Variants in CLSTN2 observed in about 807,000 individuals in gnomAD.
CLSTN2 encodes calsyntenin-2.
Under a neutral mutation model 101.2 loss-of-function variants are expected in CLSTN2, and 48 were observed. The ratio of observed to expected loss-of-function variants is 0.47; its 90% CI spans 0.38 to 0.60. The LOEUF is 0.60. Among genes scored for constraint, CLSTN2 ranks in the 20% least tolerant of loss-of-function variants. The probability of loss-of-function intolerance (pLI) is 0.00; values close to 1 mark genes in which losing one functional copy is unlikely to be tolerated. For missense variants in CLSTN2, 1,160 were observed against 1,238.2 expected, an observed-to-expected ratio of 0.94 and a Z score of 0.95; for synonymous variants, 481 against 463.6, an observed-to-expected ratio of 1.04 and a Z score of -0.48.
intron 2 of CLSTN2, among the ~76,000 whole-genome samples, chr3:140,237,841 C>G (rs1373562322): frequency 1.3e-5 from 2 of 152,030 alleles, no homozygotes; most frequent in Admixed American, 6.5e-5. Context: ...ATTTATTTTA[C>G]AAATGGTGAA....
At position 140,513,193 on chromosome 3, in the gene CLSTN2, A is replaced by G. The variant is rs551893330; in HGVS notation, c.1345-19131A>G. 3.3e-5 allele frequency among the ~76,000 whole-genome samples: 5 copies of G among 152,306 alleles called. No individual in the cohort carries two copies. The South Asian group carries it at 1.0e-3, about 32-fold the overall frequency. ...GCATCCTTGTCTTGTGCCAGTTTTC[A>G]AGGGGAATGCGTCCAGCTTTTACCC... On this transcript the variant is annotated intron_variant, in intron 8 of 16. Transcript: ENST00000458420.
intron 2 of CLSTN2, among the ~76,000 whole-genome samples, chr3:140,327,927 G>A (rs1256247974): frequency 6.6e-6 from 1 of 152,196 alleles, no homozygotes; most frequent in East Asian, 1.9e-4. Context: ...TTAGCCAAAA[G>A]CTGAGCTGTG....
At chr3:140,440,461 T>C (rs2088749375) in intron 5 of CLSTN2, among the ~76,000 whole-genome samples, 1 of 152,246 alleles carries the variant, frequency 6.6e-6, no homozygotes, top group Non-Finnish European at 1.5e-5. Context: ...TCTTTTTAAA[T>C]GGTACCTGTG....
chr3:140,285,868 T>C (rs2086891151), intron 2 of CLSTN2, among the ~76,000 whole-genome samples: 1 of 152,118 alleles, frequency 6.6e-6, no homozygotes, highest in Non-Finnish European at 1.5e-5. Flanking sequence ...ACTGGAACAA[T>C]ACTGGACAAA....
rs78445405 is a variant in CLSTN2 at position 140,562,998 on chromosome 3, C to T, written c.2358+42C>T. 6.8e-4 allele frequency: 1,093 copies of T among 1,612,094 alleles called. 2 individuals are homozygous for T. The East Asian group carries it at 9.1e-3, about 13-fold the overall frequency. ...ATTGTTAGGGAAGCCAAGGCTCACCCATTCCCTCATTCATTCAGAAATGCT... is the reference window on the plus strand; with the variant it reads ...ATTGTTAGGGAAGCCAAGGCTCACCTATTCCCTCATTCATTCAGAAATGCT... On this transcript the variant is annotated intron_variant, in intron 14 of 16. Transcript: ENST00000458420.
At chr3:140,090,508 A>C (rs1231736784) in intron 1 of CLSTN2, among the ~76,000 whole-genome samples, 3 of 152,100 alleles carry the variant, frequency 2.0e-5, no homozygotes, top group Non-Finnish European at 4.4e-5. Context: ...AGGTACTATC[A>C]ATAATGGATG....
chr3:140,256,021 G>A (rs1163772438), intron 2 of CLSTN2, among the ~76,000 whole-genome samples: 13 of 152,118 alleles, frequency 8.5e-5, no homozygotes, highest in East Asian at 5.8e-4. Context: ...TATAAGCCAC[G>A]CCTCTGCCAA....
Position 140,458,777 on chromosome 3 carries a change from T to C in CLSTN2, c.974-744T>C, listed in dbSNP as rs141803276. Among the ~76,000 whole-genome samples the C allele has an allele frequency of 3.8e-3, 575 of 152,326 alleles. 4 individuals carry two copies. The highest frequency in any genetic ancestry group is 0.013 in the African/African-American group (531 of 41,564). ...GCGAGCATGCTACTGCAAGCTCTAATGCATTATCTCATTCAGCCCTCACAA... is the reference window on the plus strand; with the variant it reads ...GCGAGCATGCTACTGCAAGCTCTAACGCATTATCTCATTCAGCCCTCACAA... On this transcript the variant is annotated intron_variant, in intron 6 of 16. Transcript: ENST00000458420.
intron 9 of CLSTN2, among the ~76,000 whole-genome samples, chr3:140,538,014 A>G (rs911297595): frequency 8.3e-6 from 1 of 119,890 alleles, no homozygotes; most frequent in Non-Finnish European, 1.6e-5. Flanking sequence ...TGTTTTACCT[A>G]TTTTGTGTTA....
At chr3:140,172,894 C>T (rs1004808833) in intron 1 of CLSTN2, among the ~76,000 whole-genome samples, 1 of 152,218 alleles carries the variant, frequency 6.6e-6, no homozygotes, top group African/African-American at 2.4e-5. Context: ...TCTCCCACAA[C>T]ATGTGGGAAT....
At chr3:140,304,810 C>A (rs557440174) in intron 2 of CLSTN2, among the ~76,000 whole-genome samples, 1 of 152,196 alleles carries the variant, frequency 6.6e-6, no homozygotes, top group East Asian at 1.9e-4. Flanking sequence ...GAGTCCCCAC[C>A]CCAACCCCAC....
rs572067250 is a variant in CLSTN2 at position 140,379,351 on chromosome 3, G to C, written c.233-24278G>C. Reference sequence around the variant, plus strand: ...ACCCTAGGAGACTGATCCAGGGGAGGTCACAGTCATCGTGGAGGTTGCCGA... The same window carrying C: ...ACCCTAGGAGACTGATCCAGGGGAGCTCACAGTCATCGTGGAGGTTGCCGA... On this transcript the variant is annotated intron_variant, in intron 2 of 16. Coordinates refer to ENST00000458420, the MANE Select transcript of CLSTN2 (RefSeq NM_022131.3). Among the ~76,000 whole-genome samples, 4 of 152,304 alleles carry C rather than the reference G, an allele frequency of 2.6e-5. No individual in the cohort carries two copies. In the South Asian group the frequency reaches 6.2e-4, roughly 24 times the overall value.
intron 1 of CLSTN2, among the ~76,000 whole-genome samples, chr3:140,010,540 A>G (rs1203730313): frequency 6.6e-6 from 1 of 152,162 alleles, no homozygotes; most frequent in African/African-American, 2.4e-5. Flanking sequence ...CTCTTTCCTG[A>G]TAATTCCATC....
chr3:140,541,649 A>C (rs1225666991), intron 9 of CLSTN2, among the ~76,000 whole-genome samples: 1 of 152,162 alleles, frequency 6.6e-6, no homozygotes, highest in African/African-American at 2.4e-5. Context: ...CCAGGCCAGC[A>C]TTCCTTGTCG....
At position 140,098,500 on chromosome 3, in the gene CLSTN2, G is replaced by C. The variant is rs565861593; in HGVS notation, c.110-77451G>C. On this transcript the variant is annotated intron_variant, in intron 1 of 16. Coordinates refer to ENST00000458420, the MANE Select transcript of CLSTN2 (RefSeq NM_022131.3). ...GTTAAATCCTTCAGCAAGACTGAGGGAGACAGAGAAAGAGCTATATAGTGA... is the reference window on the plus strand; with the variant it reads ...GTTAAATCCTTCAGCAAGACTGAGGCAGACAGAGAAAGAGCTATATAGTGA... Among the ~76,000 whole-genome samples, 5 of 152,342 alleles carry C rather than the reference G, an allele frequency of 3.3e-5. No individual in the cohort carries two copies. The South Asian group carries it at 1.0e-3, about 32-fold the overall frequency.
chr3:139,936,139 C>T (rs568357204), intron 1 of CLSTN2, among the ~76,000 whole-genome samples: 1 of 152,312 alleles, frequency 6.6e-6, no homozygotes, highest in African/African-American at 2.4e-5. Flanking sequence ...CCCTGCCCAC[C>T]CTGTTCCTTT....
Position 140,101,109 on chromosome 3 carries a change from AT to A in CLSTN2, c.110-74835del, listed in dbSNP as rs1274130348. Reference sequence around the variant, plus strand: ...ACTATTGGTTACATGTCCTTTAACTATTTTTTTATTTGTAAAATGTGGTTGA... The same window carrying A: ...ACTATTGGTTACATGTCCTTTAACTATTTTTTATTTGTAAAATGTGGTTGA... On this transcript the variant is annotated intron_variant, in intron 1 of 16. Transcript: ENST00000458420. 2.0e-5 allele frequency among the ~76,000 whole-genome samples: 3 copies of A among 152,068 alleles called. No homozygotes were observed. The East Asian group carries it at 5.8e-4, about 29-fold the overall frequency.
At chr3:140,313,639 G>A (rs2087196055) in intron 2 of CLSTN2, among the ~76,000 whole-genome samples, 2 of 152,202 alleles carry the variant, frequency 1.3e-5, no homozygotes, top group Non-Finnish European at 2.9e-5. Context: ...AAATGACGCA[G>A]AGCTTGACAG....
intron 1 of CLSTN2, among the ~76,000 whole-genome samples, chr3:139,965,885 T>C (rs986933228): frequency 2.6e-5 from 4 of 152,182 alleles, no homozygotes; most frequent in Non-Finnish European, 5.9e-5. Context: ...TCTCTCCCAC[T>C]CTTCTTCAAA....
Sources: gnomAD v4.1 joint callset for allele counts (sites outside exome capture counted in the v4.1 genomes callset) on GRCh38, gnomAD v4.1.1 for gene constraint, MANE v1.5 for transcripts, NCBI Gene and HGNC (gene_info 2026-07-23, HGNC 2026-07-21) for gene names.